Variants in SI observed in about 807,000 individuals in gnomAD.
SI encodes the protein sucrase-isomaltase, intestinal.
A neutral mutation model predicts 253.3 loss-of-function variants in SI; 235 were observed. That is an observed-to-expected ratio of 0.93 (90% CI 0.83 to 1.03). The LOEUF (loss-of-function observed/expected upper bound fraction) is 1.03, where lower values mean the gene tolerates loss of function less well. Ranked by LOEUF, SI falls within the 50% of genes least tolerant of loss-of-function variation. SI has a pLI of 0.00. For missense variants in SI, 2,442 were observed against 2,211.1 expected, an observed-to-expected ratio of 1.10 and a Z score of -2.09; for synonymous variants, 819 against 712.0, an observed-to-expected ratio of 1.15 and a Z score of -2.39.
chr3:165,065,183 G>T, intron 7 of SI, 78 bp downstream of exon 7: 2 of 913,388 alleles, frequency 2.2e-6, no homozygotes, highest in East Asian at 2.7e-5. Flanking sequence ...TAAAATAAAT[G>T]CTGTTTTCAA....
At chr3:165,035,103 A>G (rs1367371955) in intron 22 of SI, among the ~76,000 whole-genome samples, 1 of 151,984 alleles carries the variant, frequency 6.6e-6, no homozygotes, top group Admixed American at 6.6e-5. Context: ...CGATAGATGG[A>G]GCAGATACAT....
chr3:165,049,753 C>A, intron 14 of SI, 38 bp downstream of exon 14: 1 of 1,175,068 alleles, frequency 8.5e-7, no homozygotes, highest in South Asian at 1.2e-5. Flanking sequence ...AAATTATTCT[C>A]AATTAAAACA....
upstream of SI, among the ~76,000 whole-genome samples, chr3:165,083,400 T>C (rs894491734): frequency 4.6e-5 from 7 of 151,926 alleles, no homozygotes; most frequent in African/African-American, 1.7e-4. Context: ...CACATATGTA[T>C]TTCTGTAGGT....
chr3:164,996,689 T>C, intron 39 of SI, 38 bp from the exon 40 acceptor site: 1 of 1,279,384 alleles, frequency 7.8e-7, no homozygotes, highest in Non-Finnish European at 1.1e-6. Flanking sequence ...ATTTGAATAG[T>C]TTATGAATGT....
At chr3:164,979,662 A>G (rs1274469263) in intron 47 of SI, among the ~76,000 whole-genome samples, 3 of 151,740 alleles carry the variant, frequency 2.0e-5, no homozygotes, top group East Asian at 1.9e-4. Flanking sequence ...GTTGCTGTCA[A>G]AAGATACTGA....
At chr3:165,052,278 A>T (rs1713471225) in intron 13 of SI, among the ~76,000 whole-genome samples, 3 of 152,190 alleles carry the variant, frequency 2.0e-5, no homozygotes, top group Admixed American at 1.3e-4. Context: ...TTAAATTAAG[A>T]TTTTTAATAT....
upstream of SI, among the ~76,000 whole-genome samples, chr3:165,079,665 T>C (rs2108125353): frequency 6.6e-6 from 1 of 151,762 alleles, no homozygotes; most frequent in East Asian, 1.9e-4. Flanking sequence ...TCTCACTAAA[T>C]GAACTCAAAG....
At chr3:165,004,147 T>A (rs755365411) in intron 37 of SI, among the ~76,000 whole-genome samples, 5 of 152,112 alleles carry the variant, frequency 3.3e-5, no homozygotes, top group Non-Finnish European at 7.4e-5. Context: ...AATATTTGAA[T>A]AGGCATTTCT....
At chr3:165,060,868 A>AAAT (rs1560013261) in intron 9 of SI, among the ~76,000 whole-genome samples, 3 of 145,408 alleles carry the variant, frequency 2.1e-5, no homozygotes, top group African/African-American at 7.5e-5. Flanking sequence ...ATTAAAAAAA[A>AAAT]ATATATATAT....
At chr3:164,984,468 A>C (rs1717345109) in intron 45 of SI, among the ~76,000 whole-genome samples, 1 of 152,082 alleles carries the variant, frequency 6.6e-6, no homozygotes, top group African/African-American at 2.4e-5. Context: ...ATTACAACTT[A>C]AGTTTTCATG....
chr3:164,979,175 A>C lies in SI; in HGVS notation c.*187T>G. The C allele has an allele frequency of 1.8e-6, 1 of 561,766 alleles. No individual in the cohort carries two copies. Among genetic ancestry groups the C allele is most frequent in the Non-Finnish European group, 3.2e-6 (1 of 313,564 alleles). 34.8% of individuals were successfully genotyped at this position (561,766 alleles called of 1,614,324 possible). On this transcript the variant is annotated 3_prime_UTR_variant, in exon 48 of 48. Coordinates refer to ENST00000264382, the MANE Select transcript of SI (RefSeq NM_001041.4). ...TTTTGTTAAATATGCCTTAAAATTGAATCCAAGTCACATTACTATAATAAA... is the reference window on the plus strand; with the variant it reads ...TTTTGTTAAATATGCCTTAAAATTGCATCCAAGTCACATTACTATAATAAA...
chr3:165,039,251 A>G, intron 19 of SI, 117 bp from the exon 20 acceptor site: 2 of 669,700 alleles, frequency 3.0e-6, no homozygotes, highest in Non-Finnish European at 5.4e-6. Flanking sequence ...TTACACTCCA[A>G]TATTTCCTAT....
chr3:165,018,356 C>A (rs1242769748), intron 28 of SI, among the ~76,000 whole-genome samples: 1 of 150,540 alleles, frequency 6.6e-6, no homozygotes, highest in Non-Finnish European at 1.5e-5. Flanking sequence ...GTAACAACTG[C>A]AAATGCTTCC....
chr3:165,079,493 A>G (rs1018529083), upstream of SI, among the ~76,000 whole-genome samples: 6 of 151,754 alleles, frequency 4.0e-5, no homozygotes, highest in African/African-American at 1.4e-4. Flanking sequence ...GGATTGTTGT[A>G]AGACTCAGTA....
chr3:165,043,773 C>T (rs962387796), intron 16 of SI, among the ~76,000 whole-genome samples: 1 of 151,914 alleles, frequency 6.6e-6, no homozygotes, highest in African/African-American at 2.4e-5. Flanking sequence ...TATCTATAAA[C>T]AATATATAGC....
intron 13 of SI, among the ~76,000 whole-genome samples, chr3:165,054,088 G>A (rs1057476779): frequency 3.7e-4 from 57 of 152,020 alleles, no homozygotes; most frequent in African/African-American, 1.3e-3. Context: ...CCAACAACAT[G>A]TCTGATAGAT....
intron 12 of SI, among the ~76,000 whole-genome samples, chr3:165,056,318 G>A (rs1453082625): frequency 6.6e-6 from 1 of 152,074 alleles, no homozygotes; most frequent in African/African-American, 2.4e-5. Flanking sequence ...AATGTGATAA[G>A]AATGAAGCTT....
chr3:164,987,319 C>A (rs1043803520), intron 44 of SI, 93 bp from the exon 45 acceptor site: 3 of 1,038,318 alleles, frequency 2.9e-6, no homozygotes, highest in South Asian at 1.3e-5. Context: ...TATAGGAACC[C>A]AAGCATTAAG....
Position 165,059,213 on chromosome 3 carries a change from A to G in SI, c.1233T>C (p.Phe411=). The change falls in exon 11 of 48, where the codon TTT becomes TTC. Residue 411 remains phenylalanine, a synonymous_variant. Transcript: ENST00000264382. ...DQVAFNGLPQ[F]VQDLHDHGQK... ...GTCCATGGTCATGCAAATCTTGCAC[A>G]AATTGAGGGAGTCCGTTAAACGCAA... The G allele has an allele frequency of 6.2e-7, 1 of 1,612,812 alleles. No individual in the cohort carries two copies. Among genetic ancestry groups the G allele is most frequent in the South Asian group, 1.1e-5 (1 of 91,066 alleles).
Sources: gnomAD v4.1 joint callset for allele counts (sites outside exome capture counted in the v4.1 genomes callset) on GRCh38, gnomAD v4.1.1 for gene constraint, MANE v1.5 for transcripts, NCBI Gene and HGNC (gene_info 2026-07-23, HGNC 2026-07-21) for gene names.